The following CCDC144A variants were observed in gnomAD, a reference collection of about 807,000 sequenced individuals.
The protein encoded by CCDC144A is coiled-coil domain-containing protein 144A.
Under a neutral mutation model 143.8 loss-of-function variants are expected in CCDC144A, and 41 were observed. The observed-to-expected ratio is 0.29, with a 90% CI of 0.22 to 0.37. CCDC144A has a LOEUF of 0.37. CCDC144A is among the 10% of genes least tolerant of loss of function. The pLI is 1.00. For missense variants in CCDC144A, 637 were observed against 1,488.8 expected (o/e 0.43, Z 9.41); for synonymous variants, 242 against 517.9 (o/e 0.47, Z 7.23).
the CCDC144A span, among the ~76,000 whole-genome samples, chr17:16,677,714 G>A: frequency 6.6e-6 from 1 of 151,756 alleles, no homozygotes; most frequent in African/African-American, 2.4e-5. Flanking sequence ...CTACTCAGGA[G>A]GCTAATCACT....
chr17:16,754,857 T>C (rs1200796691), intron 12 of CCDC144A, among the ~76,000 whole-genome samples: 1 of 152,238 alleles, frequency 6.6e-6, no homozygotes, highest in Non-Finnish European at 1.5e-5. Flanking sequence ...TACTGGAGGC[T>C]ATCTGTCTCT....
intron 9 of CCDC144A, among the ~76,000 whole-genome samples, chr17:16,730,418 T>G (rs1339549000): frequency 1.7e-5 from 2 of 117,492 alleles, no homozygotes; most frequent in African/African-American, 8.0e-5. Flanking sequence ...GATCTGGTAA[T>G]GTGATGTCTC....
intron 14 of CCDC144A, among the ~76,000 whole-genome samples, chr17:16,763,070 A>C (rs2143378981): frequency 6.6e-6 from 1 of 151,472 alleles, no homozygotes; most frequent in Non-Finnish European, 1.5e-5. Flanking sequence ...TGTCCTGTAT[A>C]GTTTTTCCAA....
At chr17:16,757,429 C>T (rs1158555451) in intron 12 of CCDC144A, among the ~76,000 whole-genome samples, 16 of 152,214 alleles carry the variant, frequency 1.1e-4, no homozygotes, top group African/African-American at 3.1e-4. Flanking sequence ...GTGCAGGTGC[C>T]GGTGGGGCAG....
chr17:16,667,311 G>GAGGCTGAGGC, the CCDC144A span, among the ~76,000 whole-genome samples: 3 of 127,764 alleles, frequency 2.3e-5, no homozygotes, highest in Non-Finnish European at 5.4e-5. Flanking sequence ...GGCGGCTGAG[G>GAGGCTGAGGC]GGCTGAGGAG....
intron 12 of CCDC144A, among the ~76,000 whole-genome samples, chr17:16,744,740 T>C (rs1462323309): frequency 6.6e-6 from 1 of 152,060 alleles, no homozygotes; most frequent in African/African-American, 2.4e-5. Flanking sequence ...CTTTTTTTTT[T>C]TCTTTAACAA....
chr17:16,680,604 AAAGG>A, the CCDC144A span, among the ~76,000 whole-genome samples: 5 of 149,340 alleles, frequency 3.3e-5, no homozygotes, highest in Non-Finnish European at 6.0e-5. Context: ...AAATAAAGAA[AAAGG>A]AAGGAAGGAA....
Position 16,709,576 on chromosome 17 carries a change from A to T in CCDC144A, c.1519A>T (p.Asn507Tyr), listed in dbSNP as rs543644438. The change falls in exon 5 of 17, where the codon AAC becomes TAC. Residue 507 changes from asparagine to tyrosine, a missense_variant. By Grantham distance (143) the Asn-to-Tyr change is moderately radical. Transcript: ENST00000399273. The part of the protein sequence containing the change: ...QDMQKFKNEV[N>Y]TLEEEFLALK... Reference sequence around the variant, plus strand: ...CATGCAAAAGTTTAAGAATGAGGTCAACACATTAGAAGAAGAGTTCCTGGC... The same window carrying T: ...CATGCAAAAGTTTAAGAATGAGGTCTACACATTAGAAGAAGAGTTCCTGGC... 1.9e-6 allele frequency: 3 copies of T among 1,611,644 alleles called. No individual in the cohort carries two copies. The Admixed American group carries it at 5.0e-5, about 27-fold the overall frequency.
chr17:16,737,193 G>A (rs1479733911), intron 12 of CCDC144A, among the ~76,000 whole-genome samples: 1 of 132,648 alleles, frequency 7.5e-6, no homozygotes, highest in Admixed American at 7.8e-5. Flanking sequence ...TTGAGACGGA[G>A]TCTCGCTCTG....
At chr17:16,691,788 CA>C (rs1911101119) in intron 1 of CCDC144A, 1 of 151,904 alleles carries the variant, frequency 6.6e-6, no homozygotes. Context: ...AACAAACAAA[CA>C]AACAAAACTT....
At chr17:16,711,146 A>AAAAAAAAC (rs1912400485) in intron 5 of CCDC144A, among the ~76,000 whole-genome samples, 1 of 124,524 alleles carries the variant, frequency 8.0e-6, no homozygotes, top group African/African-American at 2.8e-5. Context: ...GAAAAAAAAA[A>AAAAAAAAC]AAAAAAAAAA....
chr17:16,684,047 C>A, the CCDC144A span: 1 of 907,286 alleles, frequency 1.1e-6, no homozygotes, highest in South Asian at 1.3e-5. Context: ...TGAACAAGCA[C>A]AGACTCAGAA....
chr17:16,763,314 G>A (rs570109551), intron 14 of CCDC144A, among the ~76,000 whole-genome samples: 1 of 151,342 alleles, frequency 6.6e-6, no homozygotes, highest in African/African-American at 2.4e-5. Context: ...AGGAAAAGTC[G>A]CCGTGAATGA....
chr17:16,709,771 A>G, intron 5 of CCDC144A, 136 bp downstream of exon 5: 2 of 1,322,996 alleles, frequency 1.5e-6, no homozygotes, highest in African/African-American at 1.5e-5. Context: ...GAAACAGATG[A>G]TTTCTAAGTA....
At chr17:16,686,237 C>G (rs1910778034), upstream of CCDC144A, among the ~76,000 whole-genome samples, 1 of 151,760 alleles carries the variant, frequency 6.6e-6, no homozygotes, top group African/African-American at 2.4e-5. Flanking sequence ...TGCAAACCAT[C>G]TAGAACCAGC....
chr17:16,705,277 T>C lies in CCDC144A; in HGVS notation c.542T>C (p.Leu181Pro). The change falls in exon 3 of 17, where the codon CTG (leucine) becomes CCG (proline). Residue 181 changes from leucine (L) to proline (P), a missense_variant. Coordinates refer to ENST00000399273, the MANE Select transcript of CCDC144A (RefSeq NM_001382000.1). ...GAAAATCAGTCAGCAACCAAAGAAC[T>C]GGGACAGATGAACTTAACAGAACGA... The part of the protein sequence containing the change: ...MPENQSATKE[L>P]GQMNLTEREK... 1 of 962,924 alleles carries C rather than the reference T, an allele frequency of 1.0e-6. No homozygotes were observed. Among genetic ancestry groups the C allele is most frequent in the Non-Finnish European group, 1.7e-6 (1 of 599,186 alleles). 59.6% of individuals were successfully genotyped at this position (962,924 alleles called of 1,614,324 possible). A position where few individuals can be genotyped will look rare whatever the true frequency, so the allele number is the denominator to read the frequency against.
the CCDC144A span, among the ~76,000 whole-genome samples, chr17:16,669,806 C>T: frequency 6.6e-6 from 1 of 152,158 alleles, no homozygotes. Flanking sequence ...AAGCATGGAG[C>T]CTGCTACTTC....
intron 12 of CCDC144A, among the ~76,000 whole-genome samples, chr17:16,750,542 T>C (rs1914741995): frequency 6.6e-6 from 1 of 151,302 alleles, no homozygotes. Context: ...ATCTTGGGGA[T>C]GGTTGTAGAG....
chr17:16,683,482 T>A, the CCDC144A span: 1 of 1,429,898 alleles, frequency 7.0e-7, no homozygotes. Context: ...TTGGCCGCCT[T>A]GCCCTGCCGC....
Sources: gnomAD v4.1 joint callset for allele counts (sites outside exome capture counted in the v4.1 genomes callset) on GRCh38, gnomAD v4.1.1 for gene constraint, MANE v1.5 for transcripts, NCBI Gene and HGNC (gene_info 2026-07-23, HGNC 2026-07-21) for gene names.